Variants in PDE10A observed in about 807,000 individuals in gnomAD.
PDE10A encodes the protein phosphodiesterase 10A, also known as cAMP and cAMP-inhibited cGMP 3',5'-cyclic phosphodiesterase 10A.
Under a neutral mutation model 97.7 loss-of-function variants are expected in PDE10A, and 39 were observed. The ratio of observed to expected loss-of-function variants is 0.40; its 90% CI spans 0.31 to 0.52. The LOEUF (loss-of-function observed/expected upper bound fraction) is 0.52. Ranked by LOEUF, PDE10A falls within the 20% of genes least tolerant of loss-of-function variation. The pLI is 0.56. For missense variants in PDE10A, 731 were observed against 1,047.8 expected (o/e 0.70, Z 4.17); for synonymous variants, 371 against 376.8 (o/e 0.98, Z 0.18).
chr6:165,823,773 G>A (rs968248404), intron 1 of PDE10A, among the ~76,000 whole-genome samples: 8 of 151,830 alleles, frequency 5.3e-5, no homozygotes, highest in Non-Finnish European at 1.2e-4. Context: ...GCACTGTGAC[G>A]TTAAGAAGAC....
chr6:165,506,188 A>T (rs971172253), intron 2 of PDE10A, among the ~76,000 whole-genome samples: 4 of 152,102 alleles, frequency 2.6e-5, no homozygotes, highest in African/African-American at 9.7e-5. Context: ...TAATTTTGTC[A>T]CTTAGAATTT....
chr6:165,973,895 A>G (rs1393531741), intron 1 of PDE10A, among the ~76,000 whole-genome samples: 1 of 152,234 alleles, frequency 6.6e-6, no homozygotes, highest in Non-Finnish European at 1.5e-5. Context: ...AGAATTTCTT[A>G]ACAAAACTAA....
At chr6:165,373,329 C>T (rs1032059004) in intron 18 of PDE10A, among the ~76,000 whole-genome samples, 2 of 152,140 alleles carry the variant, frequency 1.3e-5, no homozygotes, top group South Asian at 2.1e-4. Flanking sequence ...GCAACCTACT[C>T]ATCTGACAAA....
At chr6:165,841,028 A>T (rs1780243616) in intron 1 of PDE10A, among the ~76,000 whole-genome samples, 1 of 152,196 alleles carries the variant, frequency 6.6e-6, no homozygotes, top group African/African-American at 2.4e-5. Flanking sequence ...TAAAACCAAC[A>T]GGTTTTATTC....
At chr6:165,978,406 T>C (rs1301591667) in intron 1 of PDE10A, among the ~76,000 whole-genome samples, 1 of 152,230 alleles carries the variant, frequency 6.6e-6, no homozygotes, top group Admixed American at 6.5e-5. Context: ...CTCTTTACAG[T>C]GGAGAAGTCT....
At chr6:165,849,973 G>A (rs1487946514) in intron 1 of PDE10A, among the ~76,000 whole-genome samples, 1 of 152,108 alleles carries the variant, frequency 6.6e-6, no homozygotes, top group Non-Finnish European at 1.5e-5. Context: ...GAGCATCAAA[G>A]TTTAACAAAA....
intron 1 of PDE10A, among the ~76,000 whole-genome samples, chr6:165,653,998 T>G (rs2128426826): frequency 6.6e-6 from 1 of 152,234 alleles, no homozygotes; most frequent in Non-Finnish European, 1.5e-5. Context: ...AACCTTGCCC[T>G]CACTCAGCTC....
intron 1 of PDE10A, among the ~76,000 whole-genome samples, chr6:165,784,546 G>T (rs552800423): frequency 2.0e-4 from 31 of 152,312 alleles, no homozygotes; most frequent in Middle Eastern, 6.8e-3. Flanking sequence ...AGAATAGCAA[G>T]TAATGCCAAA....
In PDE10A at chr6:165,546,396, G is replaced by GT. The variant is rs550824056; in HGVS notation, c.866-2829dup. ...TCTGTAGAACTTTATAGCACAAAGA[G>GT]TAAACTATCACGTATGTAAATTTTT... On this transcript the variant is annotated intron_variant, in intron 1 of 21. Coordinates refer to ENST00000539869, the MANE Select transcript of PDE10A (RefSeq NM_001385079.1). 9.2e-5 allele frequency among the ~76,000 whole-genome samples: 14 copies of GT among 152,140 alleles called. No individual in the cohort carries two copies. The East Asian group carries it at 2.7e-3, about 29-fold the overall frequency.
intron 1 of PDE10A, among the ~76,000 whole-genome samples, chr6:165,844,632 C>T (rs11760158): frequency 0.06 from 9,108 of 152,216 alleles, 343 homozygotes; most frequent in South Asian, 0.13. Flanking sequence ...AACCCCAAGT[C>T]GGAATAGAAA....
intron 1 of PDE10A, among the ~76,000 whole-genome samples, chr6:165,708,450 C>G (rs1191735073): frequency 2.0e-5 from 3 of 151,996 alleles, no homozygotes; most frequent in Non-Finnish European, 4.4e-5. Context: ...CCCTCTGCAC[C>G]AGAACCCTGC....
At chr6:165,816,452 G>A (rs1182719187) in intron 1 of PDE10A, among the ~76,000 whole-genome samples, 2 of 152,186 alleles carry the variant, frequency 1.3e-5, no homozygotes, top group African/African-American at 4.8e-5. Flanking sequence ...GAAAGGCCAC[G>A]GAGCAGTAGT....
In PDE10A at chr6:165,898,510, G is replaced by A. The variant is rs140041395; in HGVS notation, c.-615+89019C>T. On this transcript the variant is annotated intron_variant, in intron 1 of 19. Transcript: ENST00000366882. Reference sequence around the variant, plus strand: ...GGGATCTCTTCCTCGTCACTCCCGTGCTGTGATCCCACCATCAAAACAGCT... The same window carrying A: ...GGGATCTCTTCCTCGTCACTCCCGTACTGTGATCCCACCATCAAAACAGCT... 1.3e-5 allele frequency among the ~76,000 whole-genome samples: 2 copies of A among 152,242 alleles called. 1 individual carries two copies. The highest frequency in any genetic ancestry group is 3.9e-4 in the East Asian group (2 of 5,174).
At chr6:165,799,123 G>GCAGCAA (rs972438722) in intron 1 of PDE10A, among the ~76,000 whole-genome samples, 3 of 152,226 alleles carry the variant, frequency 2.0e-5, no homozygotes, top group African/African-American at 7.2e-5. Context: ...TTCTGGCTAA[G>GCAGCAA]CAGCAACAGC....
At chr6:165,914,922 C>T (rs1782563423) in intron 1 of PDE10A, among the ~76,000 whole-genome samples, 1 of 152,208 alleles carries the variant, frequency 6.6e-6, no homozygotes. Flanking sequence ...ATGGCAGATA[C>T]AGTACAGGAT....
At chr6:165,943,203 GAAAGAAAGAAAGAAAGAAAGAAAGAAA>G (rs1783604612) in intron 1 of PDE10A, among the ~76,000 whole-genome samples, 3 of 53,340 alleles carry the variant, frequency 5.6e-5, no homozygotes, top group African/African-American at 9.6e-5. Flanking sequence ...AAGAAAGAAA[GAAAGAAAGAAAGAAAGAAAGAAAGAAA>G]GAAAGAAGGA....
intron 13 of PDE10A, among the ~76,000 whole-genome samples, chr6:165,404,650 G>C (rs764048760): frequency 6.6e-6 from 1 of 151,618 alleles, no homozygotes; most frequent in Non-Finnish European, 1.5e-5. Context: ...AATTTGAGTA[G>C]GTAAACAAGT....
chr6:165,432,948 T>C (rs1789706244), intron 7 of PDE10A, 26 bp downstream of exon 7: 2 of 1,599,086 alleles, frequency 1.3e-6, no homozygotes, highest in Admixed American at 1.7e-5. Flanking sequence ...CTAAAAATTC[T>C]AACATGCAGC....
chr6:165,454,423 T>C (rs9459419), intron 3 of PDE10A, among the ~76,000 whole-genome samples: 65,802 of 152,020 alleles, frequency 0.43, 14,806 homozygotes, highest in Middle Eastern at 0.58. Context: ...GCGTTAAAAA[T>C]TTGATCCCCA....
Sources: allele counts gnomAD v4.1 joint callset (sites outside exome capture counted in the v4.1 genomes callset), GRCh38; gene constraint gnomAD v4.1.1; transcripts MANE v1.5; gene names NCBI Gene and HGNC (gene_info 2026-07-23, HGNC 2026-07-21).